Variants in ARHGAP25 observed in about 807,000 individuals in gnomAD.
ARHGAP25 encodes Rho GTPase activating protein 25.
ARHGAP25 carries 34 observed loss-of-function variants against 71.0 expected under a neutral mutation model. The observed-to-expected ratio is 0.48, with a 90% CI of 0.36 to 0.64. ARHGAP25 has a LOEUF of 0.64. Ranked by LOEUF, ARHGAP25 falls within the 30% of genes least tolerant of loss-of-function variation. ARHGAP25 has a pLI of 0.00. For missense variants in ARHGAP25, 706 were observed against 805.1 expected, an observed-to-expected ratio of 0.88 and a Z score of 1.49; for synonymous variants, 282 against 296.5, an observed-to-expected ratio of 0.95 and a Z score of 0.50.
chr2:68,767,179 G>A lies in ARHGAP25; in HGVS notation c.62-8042G>A, dbSNP rs565989462. On this transcript the variant is annotated intron_variant, in intron 1 of 10. Transcript: ENST00000409202. The surrounding 1 kb of genome is among the most constrained non-coding windows in gnomAD (Gnocchi z 4.6). ...CTCCTTTGCTGTCATCAGTCTCACA[G>A]TAAAGATGCCTTTTGAAGGGGCAGT... 6.6e-6 allele frequency among the ~76,000 whole-genome samples: 1 copy of A among 152,346 alleles called. No individual in the cohort carries two copies. Among genetic ancestry groups the A allele is most frequent in the Non-Finnish European group, 1.5e-5 (1 of 68,034 alleles).
chr2:68,787,052 C>T (rs964314491), intron 3 of ARHGAP25, among the ~76,000 whole-genome samples: 8 of 152,172 alleles, frequency 5.3e-5, no homozygotes, highest in African/African-American at 1.7e-4. Context: ...CTGCATGGTC[C>T]AAGACCTGTG....
rs776859040 is a variant in ARHGAP25 at position 68,813,324 on chromosome 2, C to T, written c.712C>T (p.Leu238Phe). The T allele has an allele frequency of 6.2e-6, 10 of 1,613,808 alleles. No individual in the cohort carries two copies. The highest frequency in any genetic ancestry group is 2.5e-6 in the Non-Finnish European group (3 of 1,179,980). ...DVHTVASLLK[L>F]YLRDLPEPVV... is the part of the protein sequence containing the mutation. ...GCACACTGTGGCTTCCCTGTTAAAG[C>T]TCTACCTCCGAGACCTCCCAGAGCC... Residue 238 changes from leucine (L) to phenylalanine (F), a missense_variant, in exon 6 of 11, where the codon CTC becomes TTC. Leu to Phe is a conservative substitution (Grantham distance 22, BLOSUM62 0). Transcript: ENST00000409202.
At chr2:68,714,285 G>A (rs1212457791) in intron 2 of ARHGAP25, among the ~76,000 whole-genome samples, 2 of 152,136 alleles carry the variant, frequency 1.3e-5, no homozygotes, top group Non-Finnish European at 2.9e-5. Context: ...GGTGTTTATA[G>A]TATTCTCTGA....
At position 68,822,322 on chromosome 2, in the gene ARHGAP25, T is replaced by C. The variant is rs774443296; in HGVS notation, c.1201-18T>C. On this transcript the variant is annotated intron_variant, in intron 9 of 10. Coordinates refer to ENST00000409202, the MANE Select transcript of ARHGAP25 (RefSeq NM_001007231.3). The stretch of plus-strand genomic sequence containing the variant: ...AGGTGAAAACCCCATGTGACATCCA[T>C]GGCCATTTCTTTTCTAGACAAGCGA... 3.7e-6 allele frequency: 6 copies of C among 1,604,312 alleles called. No homozygotes were observed. Among genetic ancestry groups the C allele is most frequent in the Non-Finnish European group, 5.1e-6 (6 of 1,174,784 alleles).
chr2:68,771,494 T>G (rs531271676), intron 1 of ARHGAP25, among the ~76,000 whole-genome samples: 2 of 152,346 alleles, frequency 1.3e-5, no homozygotes, highest in African/African-American at 4.8e-5. Flanking sequence ...GAAGAGAGAC[T>G]GTTCAAAGAA....
intron 1 of ARHGAP25, among the ~76,000 whole-genome samples, chr2:68,766,232 G>T (rs961848276): frequency 1.3e-5 from 2 of 152,212 alleles, no homozygotes; most frequent in Non-Finnish European, 2.9e-5. Flanking sequence ...TTATCCTGCA[G>T]TCCTACCTGA....
At chr2:68,720,106 G>T (rs1329345649) in intron 2 of ARHGAP25, among the ~76,000 whole-genome samples, 1 of 152,046 alleles carries the variant, frequency 6.6e-6, no homozygotes, top group African/African-American at 2.4e-5. Flanking sequence ...ACTGATCAGG[G>T]TTCTTTTCTA....
At chr2:68,735,991 G>A (rs1675194062) in intron 1 of ARHGAP25, among the ~76,000 whole-genome samples, 2 of 152,036 alleles carry the variant, frequency 1.3e-5, no homozygotes, top group African/African-American at 4.8e-5. Flanking sequence ...TTCTTCTATT[G>A]CTAAATTGGT....
At chr2:68,783,401 C>T (rs905787267) in intron 3 of ARHGAP25, among the ~76,000 whole-genome samples, 2 of 151,736 alleles carry the variant, frequency 1.3e-5, no homozygotes, top group African/African-American at 4.8e-5. Flanking sequence ...TTATAGAATA[C>T]AAATTTACAA....
rs116468460 is a variant in ARHGAP25 at position 68,793,680 on chromosome 2, T to A, written c.466+5724T>A. Among the ~76,000 whole-genome samples the A allele has an allele frequency of 9.5e-3, 1,451 of 152,302 alleles. 28 individuals are homozygous for A. The highest frequency in any genetic ancestry group is 0.033 in the African/African-American group (1,376 of 41,570). ...ACATGCTGTTTTGGTTACCATAGCC[T>A]TGTAGTATAATTTGAAGTCAAGTAA... On this transcript the variant is annotated intron_variant, in intron 4 of 10. Coordinates refer to ENST00000409202, the MANE Select transcript of ARHGAP25 (RefSeq NM_001007231.3).
At chr2:68,809,925 G>A (rs1456888505) in intron 5 of ARHGAP25, among the ~76,000 whole-genome samples, 1 of 152,086 alleles carries the variant, frequency 6.6e-6, no homozygotes, top group African/African-American at 2.4e-5. Context: ...TTTCTACCAG[G>A]ATGGACACTG....
intron 1 of ARHGAP25, among the ~76,000 whole-genome samples, chr2:68,751,764 G>C (rs892387147): frequency 2.0e-5 from 3 of 152,210 alleles, no homozygotes; most frequent in Non-Finnish European, 4.4e-5. Context: ...TCCTCATTAA[G>C]TAATCCTGTA....
At chr2:68,815,481 G>A (rs6546440) in intron 6 of ARHGAP25, among the ~76,000 whole-genome samples, 1 of 131,606 alleles carries the variant, frequency 7.6e-6, no homozygotes, top group African/African-American at 3.0e-5. Flanking sequence ...GATGGAGTTT[G>A]GCTCTTTCGC....
intron 5 of ARHGAP25, 24 bp from the exon 6 acceptor site, chr2:68,813,263 A>T (rs749627839): frequency 5.0e-6 from 8 of 1,595,920 alleles, no homozygotes; most frequent in Non-Finnish European, 1.7e-6. Flanking sequence ...AGAGTTTCAC[A>T]GAGCGTTGCT....
intron 1 of ARHGAP25, among the ~76,000 whole-genome samples, chr2:68,764,379 C>T (rs1026234436): frequency 1.3e-5 from 2 of 152,280 alleles, no homozygotes; most frequent in African/African-American, 4.8e-5. Context: ...TGAATAGATT[C>T]CCAGGAGTGG....
chr2:68,791,529 C>G (rs1679174595), intron 4 of ARHGAP25, among the ~76,000 whole-genome samples: 1 of 147,226 alleles, frequency 6.8e-6, no homozygotes, highest in African/African-American at 2.5e-5. Context: ...CTCGGTGGAG[C>G]TCTTTATGGT....
chr2:68,784,816 G>T lies in ARHGAP25; in HGVS notation c.349+2496G>T, dbSNP rs556344683. ...GAGACTAGCAGCAAACCAAATATAT[G>T]GGCAAATTATGTAGTTTTTCTGATA... On this transcript the variant is annotated intron_variant, in intron 3 of 10. Coordinates refer to ENST00000409202, the MANE Select transcript of ARHGAP25 (RefSeq NM_001007231.3). Among the ~76,000 whole-genome samples the T allele has an allele frequency of 3.2e-4, 49 of 152,284 alleles. No homozygotes were observed. The South Asian group carries it at 9.7e-3, about 30-fold the overall frequency.
intron 5 of ARHGAP25, among the ~76,000 whole-genome samples, chr2:68,810,223 A>T (rs1379936005): frequency 6.6e-6 from 1 of 152,232 alleles, no homozygotes; most frequent in Non-Finnish European, 1.5e-5. Context: ...TTTAGACCAT[A>T]AAATAGACAT....
intron 1 of ARHGAP25, among the ~76,000 whole-genome samples, chr2:68,746,704 C>CCCG (rs1675835471): frequency 1.6e-5 from 1 of 60,630 alleles, no homozygotes; most frequent in Non-Finnish European, 3.8e-5. Context: ...ACAGGGACCA[C>CCCG]CCCCCTCCCC....
Sources: gnomAD v4.1 joint callset for allele counts (sites outside exome capture counted in the v4.1 genomes callset) on GRCh38, gnomAD v4.1.1 for gene constraint, Gnocchi (gnomAD v3.1) non-coding constraint, MANE v1.5 for transcripts, NCBI Gene and HGNC (gene_info 2026-07-23, HGNC 2026-07-21) for gene names.